KCNH7: variants seen among roughly 807,000 people sequenced by gnomAD.
The protein encoded by KCNH7 is potassium voltage-gated channel subfamily H member 7.
KCNH7 carries 49 observed loss-of-function variants against 120.8 expected under a neutral mutation model. That is an observed-to-expected ratio of 0.41 (90% CI 0.32 to 0.51). The LOEUF (loss-of-function observed/expected upper bound fraction) is 0.51, where lower values mean the gene tolerates loss of function less well. KCNH7 is among the 20% of genes least tolerant of loss of function. The probability of loss-of-function intolerance (pLI) is 0.38; values close to 1 mark genes in which losing one functional copy is unlikely to be tolerated. For missense variants in KCNH7, 1,097 were observed against 1,446.6 expected, an observed-to-expected ratio of 0.76 and a Z score of 3.92; for synonymous variants, 547 against 516.1, an observed-to-expected ratio of 1.06 and a Z score of -0.81.
At chr2:162,645,865 T>C (rs529254615) in intron 2 of KCNH7, among the ~76,000 whole-genome samples, 9 of 152,224 alleles carry the variant, frequency 5.9e-5, no homozygotes, top group African/African-American at 1.9e-4. Flanking sequence ...TTTACATTGC[T>C]GTCCAGTGAG....
At chr2:162,500,749 TG>T (rs1340446998) in intron 6 of KCNH7, among the ~76,000 whole-genome samples, 17 of 152,178 alleles carry the variant, frequency 1.1e-4, no homozygotes, top group Non-Finnish European at 2.2e-4. Flanking sequence ...GAAAGAACAT[TG>T]GATTAAGGAA....
intron 2 of KCNH7, among the ~76,000 whole-genome samples, chr2:162,578,251 T>A (rs543163981): frequency 3.3e-4 from 46 of 139,548 alleles, no homozygotes; most frequent in African/African-American, 1.3e-3. Context: ...TGAAAAATAA[T>A]TTTTTAGCAA....
intron 2 of KCNH7, among the ~76,000 whole-genome samples, chr2:162,681,283 G>A (rs1359493202): frequency 6.6e-6 from 1 of 151,714 alleles, no homozygotes; most frequent in East Asian, 1.9e-4. Flanking sequence ...GATGCGGAAT[G>A]CAGTAGTATA....
intron 6 of KCNH7, among the ~76,000 whole-genome samples, chr2:162,490,465 GA>G (rs1452473474): frequency 2.6e-5 from 4 of 152,206 alleles, no homozygotes; most frequent in African/African-American, 9.7e-5. Flanking sequence ...TGTAAGACAA[GA>G]AGCCAGACCT....
At chr2:162,433,183 T>C (rs13383161) in intron 8 of KCNH7, among the ~76,000 whole-genome samples, 2,007 of 152,092 alleles carry the variant, frequency 0.013, 49 homozygotes, top group African/African-American at 0.046. Context: ...AGAGGCAATA[T>C]TGTTAAAATG....
At chr2:162,395,044 A>G (rs1262900822) in intron 11 of KCNH7, among the ~76,000 whole-genome samples, 1 of 151,862 alleles carries the variant, frequency 6.6e-6, no homozygotes, top group Non-Finnish European at 1.5e-5. Context: ...TGATTTTTTA[A>G]TAATATTTTC....
chr2:162,672,126 C>G lies in KCNH7; in HGVS notation c.308-135046G>C, dbSNP rs78997343. On this transcript the variant is annotated intron_variant, in intron 2 of 15. Coordinates refer to ENST00000332142, the MANE Select transcript of KCNH7 (RefSeq NM_033272.4). ...TTGTGGGAGATTTTCCTACACAGTA[C>G]TGATCCTTCAAGCAGACAAAAATAT... Among the ~76,000 whole-genome samples the G allele has an allele frequency of 6.4e-3, 976 of 152,156 alleles. 13 individuals carry two copies. Among genetic ancestry groups the G allele is most frequent in the African/African-American group, 0.022 (913 of 41,554 alleles).
chr2:162,501,279 T>G (rs1690677538), intron 6 of KCNH7, among the ~76,000 whole-genome samples: 1 of 152,098 alleles, frequency 6.6e-6, no homozygotes, highest in African/African-American at 2.4e-5. Flanking sequence ...TCCCATTCAT[T>G]GTATTTTTTA....
chr2:162,714,246 G>T (rs899653536), intron 2 of KCNH7, among the ~76,000 whole-genome samples: 1 of 152,114 alleles, frequency 6.6e-6, no homozygotes, highest in Non-Finnish European at 1.5e-5. Context: ...GAATTGACAC[G>T]TGCTTCCAGG....
At chr2:162,506,251 A>C (rs1370332192) in intron 5 of KCNH7, among the ~76,000 whole-genome samples, 1 of 151,832 alleles carries the variant, frequency 6.6e-6, no homozygotes, top group Non-Finnish European at 1.5e-5. Flanking sequence ...ATAAGAGCCA[A>C]TAGTGGCAAC....
At chr2:162,685,309 C>T (rs1032954845) in intron 2 of KCNH7, among the ~76,000 whole-genome samples, 7 of 151,992 alleles carry the variant, frequency 4.6e-5, no homozygotes, top group East Asian at 1.9e-4. Flanking sequence ...AAGACCTGCA[C>T]GTTCTGGACA....
intron 3 of KCNH7, among the ~76,000 whole-genome samples, chr2:162,532,689 A>G (rs1691964688): frequency 6.6e-6 from 1 of 151,968 alleles, no homozygotes; most frequent in South Asian, 2.1e-4. Context: ...TGTTTGGGGA[A>G]TCTCTGACAA....
intron 6 of KCNH7, chr2:162,497,028 C>A (rs1000013052): frequency 3.9e-5 from 6 of 152,198 alleles, no homozygotes; most frequent in South Asian, 2.1e-4. Flanking sequence ...ATGGGAGAAA[C>A]TTTGTACTCT....
At chr2:162,581,961 C>T (rs1559028256) in intron 2 of KCNH7, among the ~76,000 whole-genome samples, 2 of 152,050 alleles carry the variant, frequency 1.3e-5, no homozygotes, top group African/African-American at 4.8e-5. Context: ...TCAAACTTCT[C>T]ATTTGAAGAT....
At chr2:162,483,863 G>T (rs1690008430) in intron 6 of KCNH7, among the ~76,000 whole-genome samples, 1 of 152,114 alleles carries the variant, frequency 6.6e-6, no homozygotes, top group Admixed American at 6.6e-5. Flanking sequence ...TAGAGAAGAG[G>T]ATTGAGACTA....
intron 2 of KCNH7, among the ~76,000 whole-genome samples, chr2:162,807,117 A>G (rs1684567563): frequency 6.6e-6 from 1 of 151,858 alleles, no homozygotes; most frequent in Non-Finnish European, 1.5e-5. Flanking sequence ...AACAAAAACA[A>G]ACAAAAAACA....
intron 2 of KCNH7, among the ~76,000 whole-genome samples, chr2:162,697,395 A>AGC (rs1186677329): frequency 3.9e-5 from 6 of 152,180 alleles, no homozygotes; most frequent in African/African-American, 1.4e-4. Context: ...TAAGGGATCG[A>AGC]GGGTCAACCT....
chr2:162,525,396 A>G (rs1422070527), intron 3 of KCNH7, among the ~76,000 whole-genome samples: 1 of 151,924 alleles, frequency 6.6e-6, no homozygotes, highest in Admixed American at 6.6e-5. Flanking sequence ...CTGGGTCATC[A>G]CAAGAGCAAA....
At chr2:162,441,999 CTTTTTTT>C (rs779418084) in intron 7 of KCNH7, among the ~76,000 whole-genome samples, 55 of 41,512 alleles carry the variant, frequency 1.3e-3, no homozygotes, top group African/African-American at 3.1e-3. Context: ...GTTAGGTCTT[CTTTTTTT>C]TTTTTTTTTT....
Sources: allele counts gnomAD v4.1 joint callset (sites outside exome capture counted in the v4.1 genomes callset), GRCh38; gene constraint gnomAD v4.1.1; transcripts MANE v1.5; gene names NCBI Gene and HGNC (gene_info 2026-07-23, HGNC 2026-07-21).